ANK2: variants seen among roughly 807,000 people sequenced by gnomAD.
ANK2 encodes the protein ankyrin-2.
In ANK2, 83 loss-of-function variants were observed where a neutral mutation model predicts 360.5. That is an observed-to-expected ratio of 0.23 (90% confidence interval 0.19 to 0.28). The LOEUF (loss-of-function observed/expected upper bound fraction) is 0.28. Ranked by LOEUF, ANK2 falls within the 10% of genes least tolerant of loss-of-function variation. The pLI, the probability that ANK2 is intolerant of heterozygous loss-of-function variation, is 1.00. For missense variants in ANK2, 4,201 were observed against 4,795.7 expected (o/e 0.88, Z 3.66); for synonymous variants, 1,740 against 1,759.5 (o/e 0.99, Z 0.28).
intron 1 of ANK2, among the ~76,000 whole-genome samples, chr4:112,850,249 CATCT>C (rs200885271): frequency 0.27 from 37,017 of 138,966 alleles, 4,982 homozygotes; most frequent in Middle Eastern, 0.31. Flanking sequence ...TAAGAAATTT[CATCT>C]ATCTATCTAT....
intron 45 of ANK2, 120 bp downstream of exon 45, chr4:113,373,569 GCT>G: frequency 1.9e-6 from 2 of 1,068,104 alleles, no homozygotes; most frequent in Non-Finnish European, 2.9e-6. Flanking sequence ...GTGGCAGTTT[GCT>G]CTTAGTTGCA....
At chr4:112,982,075 A>G (rs1354013634) in intron 2 of ANK2, among the ~76,000 whole-genome samples, 2 of 152,170 alleles carry the variant, frequency 1.3e-5, no homozygotes, top group African/African-American at 2.4e-5. Context: ...TTAAATGTTT[A>G]AAAAAAGCTT....
chr4:112,801,809 C>G, the ANK2 span, among the ~76,000 whole-genome samples: 4,360 of 152,152 alleles, frequency 0.029, 140 homozygotes, highest in African/African-American at 0.071. Flanking sequence ...AAACCCTCTT[C>G]AGGACTCTAT....
chr4:112,979,636 G>A (rs536442867), intron 2 of ANK2: 1 of 152,536 alleles, frequency 6.6e-6, no homozygotes, highest in East Asian at 1.9e-4. Flanking sequence ...ACTGGAGGGT[G>A]AAGAAGGCAG....
the ANK2 span, among the ~76,000 whole-genome samples, chr4:112,781,910 A>C: frequency 6.7e-6 from 1 of 148,390 alleles, no homozygotes. Flanking sequence ...GCTCACTGCA[A>C]CCTCTACCTC....
intron 14 of ANK2, among the ~76,000 whole-genome samples, chr4:113,268,527 T>A (rs2153667821): frequency 6.6e-6 from 1 of 152,324 alleles, no homozygotes; most frequent in East Asian, 1.9e-4. Flanking sequence ...TGTCATTGGT[T>A]CTGTTTATGT....
chr4:112,950,351 G>C (rs943037939), intron 2 of ANK2, among the ~76,000 whole-genome samples: 1 of 152,148 alleles, frequency 6.6e-6, no homozygotes, highest in Non-Finnish European at 1.5e-5. Flanking sequence ...ATTAAGAAAG[G>C]TTAAAAAGTA....
chr4:113,002,568 G>C (rs894241891), intron 2 of ANK2, among the ~76,000 whole-genome samples: 9 of 152,094 alleles, frequency 5.9e-5, no homozygotes, highest in African/African-American at 1.4e-4. Flanking sequence ...GTTGTGGGGT[G>C]GGGGGAGAGG....
chr4:113,120,873 AT>A (rs528086334), intron 1 of ANK2, among the ~76,000 whole-genome samples: 1 of 152,264 alleles, frequency 6.6e-6, no homozygotes, highest in African/African-American at 2.4e-5. Context: ...TTTAAATAAT[AT>A]TTATCACTTA....
the ANK2 span, among the ~76,000 whole-genome samples, chr4:112,750,708 T>C: frequency 6.6e-6 from 1 of 152,150 alleles, no homozygotes; most frequent in East Asian, 1.9e-4. Flanking sequence ...GGTTGCCTAT[T>C]TTTATGGTTA....
In ANK2 at chr4:113,039,103, G is replaced by A. The variant is rs1043977859; in HGVS notation, c.21+134589G>A. Among the ~76,000 whole-genome samples, 6 of 152,016 alleles carry A rather than the reference G, an allele frequency of 3.9e-5. No individual in the cohort carries two copies. The East Asian group carries it at 1.2e-3, about 29-fold the overall frequency. ...AGTTAAAAGTTAGAGAACACTAAAA[G>A]GTAATAAACACTTTCTGTTGATTTT... On this transcript the variant is annotated intron_variant, in intron 2 of 30. Coordinates refer to the ANK2 transcript ENST00000503271.
chr4:113,087,051 G>A (rs2085194181), intron 1 of ANK2, among the ~76,000 whole-genome samples: 1 of 152,146 alleles, frequency 6.6e-6, no homozygotes, highest in Non-Finnish European at 1.5e-5. Flanking sequence ...CATTCAAATA[G>A]GCACATAGAT....
intron 2 of ANK2, among the ~76,000 whole-genome samples, chr4:113,012,268 C>T (rs2055007929): frequency 1.3e-5 from 2 of 152,086 alleles, no homozygotes; most frequent in Admixed American, 1.3e-4. Context: ...GAACCATGGG[C>T]CATGTTGACA....
intron 43 of ANK2, among the ~76,000 whole-genome samples, chr4:113,371,401 C>A (rs1411327025): frequency 6.6e-6 from 1 of 152,130 alleles, no homozygotes; most frequent in Non-Finnish European, 1.5e-5. Context: ...TGAATGAGTA[C>A]TACTAAAAAT....
At chr4:113,363,556 A>G (rs1028238431) in intron 40 of ANK2, 87 bp downstream of exon 40, 1 of 1,481,230 alleles carries the variant, frequency 6.8e-7, no homozygotes. Flanking sequence ...AGAATAGTAA[A>G]GAAGCAAATG....
chr4:113,329,588 T>G (rs948941714), intron 26 of ANK2, among the ~76,000 whole-genome samples: 2 of 152,182 alleles, frequency 1.3e-5, no homozygotes, highest in African/African-American at 2.4e-5. Context: ...GCGGGCCTAC[T>G]TGTTCCCTAT....
At chr4:112,825,064 A>T (rs6830420) in intron 1 of ANK2, among the ~76,000 whole-genome samples, 110,794 of 152,032 alleles carry the variant, frequency 0.73, 41,270 homozygotes, top group East Asian at 0.97. Flanking sequence ...ATGGAAACCA[A>T]CAGTCTGAGC....
intron 1 of ANK2, among the ~76,000 whole-genome samples, chr4:113,067,925 TACTC>T (rs1283339632): frequency 6.6e-6 from 1 of 152,198 alleles, no homozygotes; most frequent in Non-Finnish European, 1.5e-5. Flanking sequence ...GGAGCAAGCT[TACTC>T]TTGCTAATAC....
chr4:113,285,444 A>C (rs148450683), intron 18 of ANK2, among the ~76,000 whole-genome samples: 2 of 152,082 alleles, frequency 1.3e-5, no homozygotes, highest in Non-Finnish European at 2.9e-5. Flanking sequence ...TTCCCAGGAC[A>C]CTCCCTTTGA....
Sources: gnomAD v4.1 joint callset for allele counts (sites outside exome capture counted in the v4.1 genomes callset) on GRCh38, gnomAD v4.1.1 for gene constraint, MANE v1.5 for transcripts, NCBI Gene and HGNC (gene_info 2026-07-23, HGNC 2026-07-21) for gene names.